PCDH9: variants seen among roughly 807,000 people sequenced by gnomAD.
The protein encoded by PCDH9 is protocadherin 9.
PCDH9 carries 24 observed loss-of-function variants against 70.6 expected under a neutral mutation model. That is an observed-to-expected ratio of 0.34 (90% CI 0.25 to 0.48). The LOEUF (loss-of-function observed/expected upper bound fraction) is 0.48. PCDH9 is among the 20% of genes least tolerant of loss of function. The probability of loss-of-function intolerance (pLI) is 0.99; values close to 1 mark genes in which losing one functional copy is unlikely to be tolerated. For synonymous variants in PCDH9, 562 were observed against 558.5 expected (o/e 1.01, Z -0.09); for missense variants, 1,281 against 1,503.6 (o/e 0.85, Z 2.45).
At chr13:67,176,337 T>C (rs945264964) in intron 2 of PCDH9, among the ~76,000 whole-genome samples, 14 of 152,050 alleles carry the variant, frequency 9.2e-5, no homozygotes, top group Non-Finnish European at 2.9e-5. Context: ...TCAGGTTCAA[T>C]CCCCCATGCT....
chr13:66,330,527 C>T (rs1475570510), intron 4 of PCDH9, among the ~76,000 whole-genome samples: 1 of 152,038 alleles, frequency 6.6e-6, no homozygotes, highest in South Asian at 2.1e-4. Flanking sequence ...GTTGACAGTG[C>T]TGGATTTGTT....
At chr13:67,192,328 A>G (rs2088939410) in intron 2 of PCDH9, among the ~76,000 whole-genome samples, 1 of 152,180 alleles carries the variant, frequency 6.6e-6, no homozygotes, top group Admixed American at 6.5e-5. Context: ...TAAAAATCAA[A>G]CAAATATTAG....
At chr13:66,306,002 C>A (rs1955458135) in intron 4 of PCDH9, among the ~76,000 whole-genome samples, 1 of 151,938 alleles carries the variant, frequency 6.6e-6, no homozygotes, top group African/African-American at 2.4e-5. Context: ...TTCTTTGTTG[C>A]TGTTGTCTTA....
chr13:66,738,161 C>T (rs1174218277), intron 3 of PCDH9, among the ~76,000 whole-genome samples: 4 of 152,122 alleles, frequency 2.6e-5, no homozygotes, highest in Non-Finnish European at 5.9e-5. Flanking sequence ...GGGCAGACGG[C>T]CTCCTCAAGT....
intron 3 of PCDH9, among the ~76,000 whole-genome samples, chr13:66,762,735 A>G (rs1218852349): frequency 2.0e-5 from 3 of 151,936 alleles, no homozygotes; most frequent in African/African-American, 7.3e-5. Context: ...CTCAATCCTA[A>G]ACAGATCATT....
intron 4 of PCDH9, among the ~76,000 whole-genome samples, chr13:66,361,263 G>A (rs1956466798): frequency 2.0e-5 from 3 of 152,084 alleles, no homozygotes; most frequent in Admixed American, 1.3e-4. Flanking sequence ...TCTGTTGGCA[G>A]TAAAATAAGT....
At chr13:67,032,224 G>C (rs1299041033) in intron 2 of PCDH9, among the ~76,000 whole-genome samples, 1 of 152,110 alleles carries the variant, frequency 6.6e-6, no homozygotes, top group Non-Finnish European at 1.5e-5. Flanking sequence ...GCTCACTGTA[G>C]CCTACACTTC....
intron 3 of PCDH9, among the ~76,000 whole-genome samples, chr13:66,656,303 TC>T (rs2077928354): frequency 6.6e-6 from 1 of 152,142 alleles, no homozygotes; most frequent in African/African-American, 2.4e-5. Context: ...GCCCTGTCCA[TC>T]CCAACATTAG....
At chr13:66,977,625 T>C (rs778082830) in intron 2 of PCDH9, 1 of 152,162 alleles carries the variant, frequency 6.6e-6, no homozygotes. Flanking sequence ...TAAGTACTTA[T>C]TCTAAATGGA....
chr13:66,338,487 A>T (rs1434664865), intron 4 of PCDH9, among the ~76,000 whole-genome samples: 1 of 152,100 alleles, frequency 6.6e-6, no homozygotes, highest in Non-Finnish European at 1.5e-5. Context: ...TATTTTCTGA[A>T]GCTTTTTAAT....
At chr13:66,547,782 G>A (rs992248513) in intron 4 of PCDH9, among the ~76,000 whole-genome samples, 6 of 150,948 alleles carry the variant, frequency 4.0e-5, no homozygotes, top group African/African-American at 7.3e-5. Context: ...CCATAAGATA[G>A]AATGCGCATT....
intron 2 of PCDH9, among the ~76,000 whole-genome samples, chr13:66,991,917 A>G (rs1218598883): frequency 1.3e-5 from 2 of 152,124 alleles, no homozygotes; most frequent in African/African-American, 4.8e-5. Context: ...AATGTTTAGG[A>G]AGGTAGATAA....
At chr13:67,026,309 T>C (rs1240548069) in intron 2 of PCDH9, among the ~76,000 whole-genome samples, 1 of 152,146 alleles carries the variant, frequency 6.6e-6, no homozygotes, top group Non-Finnish European at 1.5e-5. Flanking sequence ...AAATTCTCTT[T>C]TTTGGTTGTG....
intron 2 of PCDH9, among the ~76,000 whole-genome samples, chr13:67,197,986 TTTA>T (rs2089115734): frequency 6.6e-6 from 1 of 151,572 alleles, no homozygotes; most frequent in Admixed American, 6.6e-5. Context: ...TTTTCCAGTA[TTTA>T]TTGTTTTTGA....
At chr13:66,886,038 G>A (rs968827211) in intron 3 of PCDH9, 35 of 151,982 alleles carry the variant, frequency 2.3e-4, no homozygotes, top group African/African-American at 8.2e-4. Flanking sequence ...ACCATGGATC[G>A]ATTTTCACAC....
chr13:66,549,451 C>T (rs926680231), intron 4 of PCDH9, among the ~76,000 whole-genome samples: 1 of 152,018 alleles, frequency 6.6e-6, no homozygotes, highest in Admixed American at 6.6e-5. Flanking sequence ...TCCATACCCT[C>T]ATTTAATTCT....
intron 4 of PCDH9, among the ~76,000 whole-genome samples, chr13:66,552,954 T>C (rs765919002): frequency 2.0e-5 from 3 of 151,936 alleles, no homozygotes; most frequent in Non-Finnish European, 4.4e-5. Context: ...GAGAGAGAAG[T>C]GTCAAGCCAA....
At chr13:66,934,553 A>G (rs113236967) in intron 2 of PCDH9, among the ~76,000 whole-genome samples, 7 of 145,126 alleles carry the variant, frequency 4.8e-5, no homozygotes, top group East Asian at 4.2e-4. Context: ...AAAAAAAAAA[A>G]AAAAGAAAAA....
intron 3 of PCDH9, among the ~76,000 whole-genome samples, chr13:66,813,819 A>G (rs1365240823): frequency 6.6e-6 from 1 of 152,162 alleles, no homozygotes; most frequent in East Asian, 1.9e-4. Flanking sequence ...TATGCACAAT[A>G]TAGTAAAATT....
Sources: gnomAD v4.1 joint callset for allele counts (sites outside exome capture counted in the v4.1 genomes callset) on GRCh38, gnomAD v4.1.1 for gene constraint, MANE v1.5 for transcripts, NCBI Gene and HGNC (gene_info 2026-07-23, HGNC 2026-07-21) for gene names.